Variants in PPM1H observed in about 807,000 individuals in gnomAD.
PPM1H encodes protein phosphatase, Mg2+/Mn2+ dependent 1H.
Under a neutral mutation model 54.9 loss-of-function variants are expected in PPM1H, and 27 were observed. The ratio of observed to expected loss-of-function variants is 0.49; its 90% confidence interval spans 0.36 to 0.68. The LOEUF is 0.68. PPM1H is among the 30% of genes least tolerant of loss of function. The pLI is 0.00. For synonymous variants in PPM1H, 305 were observed against 270.8 expected (o/e 1.13, Z -1.24); for missense variants, 596 against 667.8 (o/e 0.89, Z 1.19).
At chr12:62,835,618 A>T (rs1380720513) in intron 1 of PPM1H, among the ~76,000 whole-genome samples, 1 of 152,210 alleles carries the variant, frequency 6.6e-6, no homozygotes, top group Non-Finnish European at 1.5e-5. Context: ...TAATGGGAAG[A>T]TGGTGGTCCC....
rs1408430034 is a variant in PPM1H, at chr12:62,773,670, C to CCTTAACATCCAAGTGGCAG, written c.869+14537_869+14555dup. On this transcript the variant is annotated intron_variant, in intron 4 of 9. Coordinates refer to ENST00000228705, the MANE Select transcript of PPM1H (RefSeq NM_020700.2). Reference sequence around the variant, plus strand: ...GGGCTTTGAAGAGTGAGAGAGGCAACCTTAACATCCAAGTGGCAGACACTG... The same window carrying CCTTAACATCCAAGTGGCAG: ...GGGCTTTGAAGAGTGAGAGAGGCAACCTTAACATCCAAGTGGCAGCTTAACATCCAAGTGGCAGACACTG... 4.6e-5 allele frequency among the ~76,000 whole-genome samples: 7 copies of CCTTAACATCCAAGTGGCAG among 152,204 alleles called. No homozygotes were observed. The East Asian group carries it at 1.4e-3, about 29-fold the overall frequency.
chr12:62,819,656 G>T (rs767906726), intron 2 of PPM1H, among the ~76,000 whole-genome samples: 10 of 152,078 alleles, frequency 6.6e-5, no homozygotes, highest in Non-Finnish European at 1.2e-4. Context: ...TTTTAAGTTT[G>T]TTTTGTTGTT....
intron 4 of PPM1H, among the ~76,000 whole-genome samples, chr12:62,743,689 C>T (rs1041905559): frequency 6.6e-6 from 1 of 150,950 alleles, no homozygotes; most frequent in Non-Finnish European, 1.5e-5. Context: ...CTGACATGTG[C>T]CAACAGGTAT....
intron 8 of PPM1H, among the ~76,000 whole-genome samples, chr12:62,678,529 T>C (rs548391877): frequency 6.6e-6 from 1 of 152,244 alleles, no homozygotes; most frequent in East Asian, 1.9e-4. Flanking sequence ...CTCAAGTCAT[T>C]GGCCAAATGA....
At position 62,912,432 on chromosome 12, in the gene PPM1H, A is replaced by G. The variant is rs563228282; in HGVS notation, c.245+22060T>C. 2.9e-4 allele frequency among the ~76,000 whole-genome samples: 44 copies of G among 152,296 alleles called. 1 individual carries two copies. The highest frequency in any genetic ancestry group is 8.5e-4 in the Admixed American group (13 of 15,296). ...TCTCAGGAAGGACAGGGCTTCCACA[A>G]TCTGGAGGGTCACCCCTTGCTGAGG... On this transcript the variant is annotated intron_variant, in intron 1 of 9. Coordinates refer to ENST00000228705, the MANE Select transcript of PPM1H (RefSeq NM_020700.2).
chr12:62,747,866 G>C (rs776252956), intron 4 of PPM1H, among the ~76,000 whole-genome samples: 7 of 152,142 alleles, frequency 4.6e-5, no homozygotes, highest in Non-Finnish European at 7.3e-5. Context: ...CTCTGCTCTA[G>C]ATACACAACA....
chr12:62,924,322 C>G (rs1327804118), intron 1 of PPM1H, among the ~76,000 whole-genome samples: 1 of 152,204 alleles, frequency 6.6e-6, no homozygotes, highest in Non-Finnish European at 1.5e-5. Flanking sequence ...GAACAAATCC[C>G]AGGTTACACA....
chr12:62,905,579 AG>A (rs1349304207), intron 1 of PPM1H, among the ~76,000 whole-genome samples: 3 of 152,190 alleles, frequency 2.0e-5, no homozygotes, highest in Non-Finnish European at 1.5e-5. Context: ...GAAGAGTGCT[AG>A]GTGTTTTGTT....
intron 2 of PPM1H, among the ~76,000 whole-genome samples, chr12:62,819,325 C>T (rs1486302686): frequency 6.6e-6 from 1 of 150,662 alleles, no homozygotes; most frequent in East Asian, 2.0e-4. Context: ...AAGATGGGTT[C>T]ACCTTCTTGG....
At chr12:62,901,878 C>T (rs1210001794) in intron 1 of PPM1H, among the ~76,000 whole-genome samples, 1 of 152,098 alleles carries the variant, frequency 6.6e-6, no homozygotes, top group Non-Finnish European at 1.5e-5. Context: ...CAAATGAAGG[C>T]AAGCCTCCTT....
At chr12:62,750,441 A>G (rs2076436457) in intron 4 of PPM1H, among the ~76,000 whole-genome samples, 2 of 152,256 alleles carry the variant, frequency 1.3e-5, no homozygotes, top group Admixed American at 1.3e-4. Context: ...ATGTTACAGC[A>G]TGCATCAATA....
At chr12:62,873,639 TACC>T (rs1291655101) in intron 1 of PPM1H, among the ~76,000 whole-genome samples, 1 of 152,202 alleles carries the variant, frequency 6.6e-6, no homozygotes, top group Non-Finnish European at 1.5e-5. Flanking sequence ...GGTTCCATTT[TACC>T]ACATTTGGTG....
In PPM1H at chr12:62,691,001, A is replaced by G. The variant is rs141972000; in HGVS notation, c.1138-1195T>C. 2.3e-3 allele frequency among the ~76,000 whole-genome samples: 352 copies of G among 152,298 alleles called. 9 individuals carry two copies. The East Asian group carries it at 0.043, about 19-fold the overall frequency. ...AACAAACAAACAAATAAAAAAACCA[A>G]AAAGAAACTTGGTAAGGGAGATAAG... On this transcript the variant is annotated intron_variant, in intron 7 of 9. Transcript: ENST00000228705.
At chr12:62,829,409 AG>A (rs140658993) in intron 2 of PPM1H, among the ~76,000 whole-genome samples, 1 of 152,342 alleles carries the variant, frequency 6.6e-6, no homozygotes, top group East Asian at 1.9e-4. Flanking sequence ...AACCTGAAAA[AG>A]TTCTGGAGAT....
intron 4 of PPM1H, among the ~76,000 whole-genome samples, chr12:62,765,669 A>T (rs67454431): frequency 0.19 from 28,473 of 152,140 alleles, 3,134 homozygotes; most frequent in African/African-American, 0.3. Flanking sequence ...AAAGTGAAGC[A>T]AAAGAAATAG....
At chr12:62,728,936 T>C (rs57366716) in intron 5 of PPM1H, among the ~76,000 whole-genome samples, 2,077 of 152,322 alleles carry the variant, frequency 0.014, 49 homozygotes, top group African/African-American at 0.048. Flanking sequence ...TTCTTCCTCC[T>C]TTTGATAATT....
chr12:62,656,765 G>A (rs1281972475), intron 9 of PPM1H, among the ~76,000 whole-genome samples: 1 of 152,086 alleles, frequency 6.6e-6, no homozygotes, highest in Non-Finnish European at 1.5e-5. Context: ...TTTGCATTCT[G>A]AGCAGGCCTC....
intron 1 of PPM1H, among the ~76,000 whole-genome samples, chr12:62,850,547 T>G (rs1207282145): frequency 6.6e-6 from 1 of 151,126 alleles, no homozygotes; most frequent in African/African-American, 2.4e-5. Flanking sequence ...AGAGGAAAAC[T>G]GTAAAAAGCA....
intron 1 of PPM1H, among the ~76,000 whole-genome samples, chr12:62,881,259 T>G (rs1366375373): frequency 6.6e-6 from 1 of 152,172 alleles, no homozygotes; most frequent in African/African-American, 2.4e-5. Flanking sequence ...AGCACCCACA[T>G]ACACTCACTC....
Sources: allele counts gnomAD v4.1 joint callset (sites outside exome capture counted in the v4.1 genomes callset), GRCh38; gene constraint gnomAD v4.1.1; transcripts MANE v1.5; gene names NCBI Gene and HGNC (gene_info 2026-07-23, HGNC 2026-07-21).